The following DIAPH3 variants were observed in gnomAD, a reference collection of about 807,000 sequenced individuals.
DIAPH3 encodes the protein diaphanous related formin 3.
Under a neutral mutation model 144.3 loss-of-function variants are expected in DIAPH3, and 117 were observed. That is an observed-to-expected ratio of 0.81 (90% CI 0.70 to 0.95). The LOEUF is 0.95. Among genes scored for constraint, DIAPH3 ranks in the 40% least tolerant of loss-of-function variants. DIAPH3 has a pLI of 0.00. For synonymous variants in DIAPH3, 519 were observed against 488.9 expected, an observed-to-expected ratio of 1.06 and a Z score of -0.81; for missense variants, 1,421 against 1,412.7, an observed-to-expected ratio of 1.01 and a Z score of -0.09.
chr13:59,988,743 T>C (rs1298910320), intron 12 of DIAPH3, among the ~76,000 whole-genome samples: 1 of 151,916 alleles, frequency 6.6e-6, no homozygotes, highest in Non-Finnish European at 1.5e-5. Flanking sequence ...TTCACTTTTC[T>C]CTGTGGTATT....
chr13:60,029,057 C>CA (rs57887648), intron 5 of DIAPH3, among the ~76,000 whole-genome samples: 139,437 of 146,982 alleles, frequency 0.95, 65,986 homozygotes, highest in Admixed American at 0.96. Context: ...GACTCCGTCT[C>CA]AAAAAAAAAA....
At chr13:60,068,366 G>A in intron 4 of DIAPH3, among the ~76,000 whole-genome samples, 1 of 152,180 alleles carries the variant, frequency 6.6e-6, no homozygotes, top group East Asian at 1.9e-4. Context: ...GAAAAGTAAA[G>A]ATACTGGTAG....
chr13:59,935,573 T>C (rs1330945496), intron 17 of DIAPH3, among the ~76,000 whole-genome samples: 1 of 152,068 alleles, frequency 6.6e-6, no homozygotes, highest in African/African-American at 2.4e-5. Context: ...GTCAAAAAAT[T>C]TGGAATGTTT....
intron 4 of DIAPH3, among the ~76,000 whole-genome samples, chr13:60,053,805 A>G (rs1284484472): frequency 6.6e-6 from 1 of 152,096 alleles, no homozygotes; most frequent in Non-Finnish European, 1.5e-5. Flanking sequence ...TACAACCATA[A>G]AGAATCTACC....
chr13:59,822,709 G>A (rs755488227), intron 24 of DIAPH3, among the ~76,000 whole-genome samples: 1 of 152,044 alleles, frequency 6.6e-6, no homozygotes, highest in Non-Finnish European at 1.5e-5. Context: ...CCAAAGTGCT[G>A]GGATTACAGG....
Position 60,112,025 on chromosome 13 carries a change from A to C in DIAPH3, c.375T>G (p.Leu125=), listed in dbSNP as rs2058582162. 6.2e-7 allele frequency: 1 copy of C among 1,613,934 alleles called. No individual in the cohort carries two copies. The highest frequency in any genetic ancestry group is 8.5e-7 in the Non-Finnish European group (1 of 1,179,980). Residue 125 remains leucine (L), a synonymous_variant, in exon 3 of 28, where the codon CTT becomes CTG. Coordinates refer to ENST00000400324, the MANE Select transcript of DIAPH3 (RefSeq NM_001042517.2). ...KPLSENELLE[L]FEKMMEDMNL... The stretch of plus-strand genomic sequence containing the variant: ...AAATTCTTACCATCATTTTTTCAAA[A>C]AGTTCTAAGAGTTCATTCTCTGACA...
Position 59,993,702 on chromosome 13 carries a change from TAAAA to T in DIAPH3, c.1015-1123_1015-1120del, listed in dbSNP as rs3078724. Among the ~76,000 whole-genome samples, 58 of 73,876 alleles carry T rather than the reference TAAAA, an allele frequency of 7.9e-4. 2 individuals are homozygous for T. The highest frequency in any genetic ancestry group is 1.0e-3 in the Non-Finnish European group (41 of 39,968). The allele number at this position is 73,876 out of a possible 152,430, so 48.5% of individuals were successfully genotyped here. ...GAGAGAGGAAGAAGAGAAACATACTTAAAAAAAAAAAAAAAAAAAACTTAACAGA... is the reference window on the plus strand; with the variant it reads ...GAGAGAGGAAGAAGAGAAACATACTTAAAAAAAAAAAAAAAACTTAACAGA... On this transcript the variant is annotated intron_variant, in intron 9 of 27. Transcript: ENST00000400324.
intron 4 of DIAPH3, among the ~76,000 whole-genome samples, chr13:60,083,475 T>C (rs2057634136): frequency 6.6e-6 from 1 of 151,822 alleles, no homozygotes; most frequent in Non-Finnish European, 1.5e-5. Flanking sequence ...GGTAAAGAGA[T>C]GAAACCTGAG....
At chr13:59,786,704 T>G (rs2039047769) in intron 25 of DIAPH3, among the ~76,000 whole-genome samples, 1 of 152,172 alleles carries the variant, frequency 6.6e-6, no homozygotes, top group Admixed American at 6.5e-5. Flanking sequence ...AAGACAGCAT[T>G]TCCTAAAGTG....
intron 17 of DIAPH3, among the ~76,000 whole-genome samples, chr13:59,925,679 G>C (rs559072893): frequency 1.8e-4 from 28 of 152,232 alleles, no homozygotes; most frequent in African/African-American, 6.0e-4. Context: ...AAGCCATCCA[G>C]TCTTGTTGGA....
At chr13:59,726,586 A>T (rs2035613083) in intron 27 of DIAPH3, among the ~76,000 whole-genome samples, 1 of 151,850 alleles carries the variant, frequency 6.6e-6, no homozygotes, top group Admixed American at 6.6e-5. Context: ...TCCTTTACAT[A>T]TTTCTTCCAT....
At chr13:59,801,732 T>C (rs2039911165) in intron 25 of DIAPH3, among the ~76,000 whole-genome samples, 1 of 152,228 alleles carries the variant, frequency 6.6e-6, no homozygotes, top group Non-Finnish European at 1.5e-5. Flanking sequence ...ACTATCATAT[T>C]GCTTATAATT....
At chr13:59,732,288 C>T (rs935461675) in intron 27 of DIAPH3, among the ~76,000 whole-genome samples, 1 of 151,622 alleles carries the variant, frequency 6.6e-6, no homozygotes, top group Non-Finnish European at 1.5e-5. Flanking sequence ...TTACAACCAA[C>T]CCCCTTAATA....
intron 14 of DIAPH3, among the ~76,000 whole-genome samples, chr13:59,978,553 C>T (rs2050802568): frequency 6.6e-6 from 1 of 151,658 alleles, no homozygotes; most frequent in Admixed American, 6.6e-5. Context: ...ATTCTAAGAA[C>T]ATTTATTAAA....
At chr13:59,992,288 T>C (rs953370900) in intron 10 of DIAPH3, 102 bp from the exon 11 acceptor site, 9 of 1,114,370 alleles carry the variant, frequency 8.1e-6, no homozygotes, top group Non-Finnish European at 1.1e-5. Flanking sequence ...ACTTGATTTA[T>C]AGCATTCGAA....
At chr13:60,043,632 A>T (rs1177550968) in intron 4 of DIAPH3, among the ~76,000 whole-genome samples, 1 of 152,228 alleles carries the variant, frequency 6.6e-6, no homozygotes, top group East Asian at 1.9e-4. Flanking sequence ...CCAGTGTGAA[A>T]TATGAATTAG....
Position 60,132,942 on chromosome 13 carries a change from T to G in DIAPH3, c.213+15A>C. ...TTACAATTCATAACAAAGGAAAAGT[T>G]GAGGATAATCTTACCATATCATCCG... is the stretch of plus-strand genomic sequence containing the variant. On this transcript the variant is annotated intron_variant, in intron 2 of 27. Coordinates refer to ENST00000400324, the MANE Select transcript of DIAPH3 (RefSeq NM_001042517.2). 3 of 1,604,030 alleles carry G rather than the reference T, an allele frequency of 1.9e-6. No homozygotes were observed. Among genetic ancestry groups the G allele is most frequent in the Non-Finnish European group, 2.6e-6 (3 of 1,171,662 alleles).
At position 60,052,822 on chromosome 13, in the gene DIAPH3, T is replaced by G. The variant is rs1242396792; in HGVS notation, c.496-10002A>C. On this transcript the variant is annotated intron_variant, in intron 4 of 27. Transcript: ENST00000400324. ...CTAAAAATACAAAAATTAGCCAGGT[T>G]TGGTAGGATCCATCTGTAGTCCCAG... 4.0e-5 allele frequency among the ~76,000 whole-genome samples: 6 copies of G among 151,160 alleles called. No homozygotes were observed. The East Asian group carries it at 1.2e-3, about 29-fold the overall frequency.
intron 27 of DIAPH3, among the ~76,000 whole-genome samples, chr13:59,752,436 T>C (rs2037055399): frequency 1.3e-5 from 2 of 151,596 alleles, no homozygotes; most frequent in African/African-American, 4.9e-5. Flanking sequence ...GGTACTATCA[T>C]GGCTCACTGC....
Sources: allele counts gnomAD v4.1 joint callset (sites outside exome capture counted in the v4.1 genomes callset), GRCh38; gene constraint gnomAD v4.1.1; transcripts MANE v1.5; gene names NCBI Gene and HGNC (gene_info 2026-07-23, HGNC 2026-07-21).